The following TTLL11 variants were observed in gnomAD, a reference collection of about 807,000 sequenced individuals.
TTLL11 encodes the protein tubulin tyrosine ligase like 11, also known as tubulin polyglutamylase TTLL11.
TTLL11 carries 42 observed loss-of-function variants against 51.7 expected under a neutral mutation model. The ratio of observed to expected loss-of-function variants is 0.81; its 90% confidence interval spans 0.64 to 1.05. The LOEUF (loss-of-function observed/expected upper bound fraction) is 1.05. Among genes scored for constraint, TTLL11 ranks in the 50% least tolerant of loss-of-function variants. TTLL11 has a pLI of 0.00. For synonymous variants in TTLL11, 381 were observed against 383.5 expected, an observed-to-expected ratio of 0.99 and a Z score of 0.08; for missense variants, 799 against 940.4, an observed-to-expected ratio of 0.85 and a Z score of 1.97.
chr9:122,053,871 T>C (rs925988503), intron 1 of TTLL11, among the ~76,000 whole-genome samples: 4 of 152,106 alleles, frequency 2.6e-5, no homozygotes, highest in African/African-American at 7.2e-5. Context: ...CGGAGATAAC[T>C]AGCGCTCTGA....
Position 121,902,587 on chromosome 9 carries a change from G to C in TTLL11, c.1482-31839C>G, listed in dbSNP as rs181787245. Among the ~76,000 whole-genome samples the C allele has an allele frequency of 3.0e-3, 458 of 152,070 alleles. 3 individuals carry two copies. Among genetic ancestry groups the C allele is most frequent in the African/African-American group, 0.011 (440 of 41,476 alleles). ...ATCTGTTTAGCCTGGAGTTTCTACC[G>C]AGTTGTTTTTTTTTTTAAAGGTCCT... On this transcript the variant is annotated intron_variant, in intron 6 of 8. Coordinates refer to ENST00000321582, the MANE Select transcript of TTLL11 (RefSeq NM_001139442.2).
chr9:122,082,258 C>G (rs1846018679), intron 1 of TTLL11, among the ~76,000 whole-genome samples: 1 of 152,210 alleles, frequency 6.6e-6, no homozygotes, highest in African/African-American at 2.4e-5. Flanking sequence ...AATCCCAACA[C>G]TTTGGGAGGC....
At chr9:121,960,751 A>G (rs1387040754) in intron 6 of TTLL11, among the ~76,000 whole-genome samples, 1 of 152,062 alleles carries the variant, frequency 6.6e-6, no homozygotes, top group Non-Finnish European at 1.5e-5. Flanking sequence ...GAAGAAAATG[A>G]TCCTCTCTAA....
intron 1 of TTLL11, among the ~76,000 whole-genome samples, chr9:122,085,869 C>G (rs1174855001): frequency 1.3e-5 from 2 of 152,140 alleles, no homozygotes; most frequent in African/African-American, 4.8e-5. Context: ...GTCACACAAG[C>G]AATCAGAGGC....
chr9:122,063,258 G>T (rs1845485875), intron 1 of TTLL11, among the ~76,000 whole-genome samples: 1 of 152,150 alleles, frequency 6.6e-6, no homozygotes, highest in African/African-American at 2.4e-5. Flanking sequence ...TACCTTGTGA[G>T]ATTTAAATAA....
At chr9:122,061,461 A>G (rs1025474784) in intron 1 of TTLL11, among the ~76,000 whole-genome samples, 5 of 152,182 alleles carry the variant, frequency 3.3e-5, no homozygotes, top group African/African-American at 9.7e-5. Flanking sequence ...CATTGAGCAC[A>G]TGGACAAGAA....
chr9:122,002,930 G>C (rs1843517898), intron 3 of TTLL11, among the ~76,000 whole-genome samples: 1 of 115,322 alleles, frequency 8.7e-6, no homozygotes, highest in East Asian at 2.2e-4. Flanking sequence ...TGGCAACAGA[G>C]TGAGACTCTG....
intron 6 of TTLL11, among the ~76,000 whole-genome samples, chr9:121,953,808 C>A (rs1311873665): frequency 6.6e-6 from 1 of 152,044 alleles, no homozygotes; most frequent in Non-Finnish European, 1.5e-5. Context: ...AGCTCACAAT[C>A]GAAGCATGCT....
intron 6 of TTLL11, among the ~76,000 whole-genome samples, chr9:121,936,837 A>G (rs1841246073): frequency 6.6e-6 from 1 of 152,266 alleles, no homozygotes; most frequent in Admixed American, 6.5e-5. Context: ...ACATTTGACT[A>G]CATCACTATG....
At chr9:121,914,013 CCA>C (rs1388709239) in intron 6 of TTLL11, among the ~76,000 whole-genome samples, 4 of 152,154 alleles carry the variant, frequency 2.6e-5, no homozygotes, top group African/African-American at 9.7e-5. Flanking sequence ...ATTACCATCC[CCA>C]CTTTCCACTC....
Position 121,959,312 on chromosome 9 carries a change from A to T in TTLL11, c.1481+14697T>A, listed in dbSNP as rs531771975. 2.5e-4 allele frequency among the ~76,000 whole-genome samples: 38 copies of T among 152,016 alleles called. 2 individuals are homozygous for T. The South Asian group carries it at 8.0e-3, about 32-fold the overall frequency. On this transcript the variant is annotated intron_variant, in intron 6 of 8. Coordinates refer to ENST00000321582, the MANE Select transcript of TTLL11 (RefSeq NM_001139442.2). ...CATGGGGACCAAACCGTCCCTGTCTACTCTGTGGAGCAATTATTGTTGTAA... is the reference window on the plus strand; with the variant it reads ...CATGGGGACCAAACCGTCCCTGTCTTCTCTGTGGAGCAATTATTGTTGTAA...
chr9:122,057,656 A>G (rs976631804), intron 1 of TTLL11, among the ~76,000 whole-genome samples: 2 of 152,166 alleles, frequency 1.3e-5, no homozygotes, highest in Admixed American at 6.5e-5. Flanking sequence ...AAGTAAAAAC[A>G]TCTTAAAATT....
chr9:122,081,163 T>C (rs528336063), intron 1 of TTLL11, among the ~76,000 whole-genome samples: 15 of 152,228 alleles, frequency 9.9e-5, no homozygotes, highest in Non-Finnish European at 1.3e-4. Flanking sequence ...GAAGGACTTA[T>C]GTAAACACTA....
chr9:121,842,570 T>C (rs1837391319), intron 8 of TTLL11, among the ~76,000 whole-genome samples: 1 of 152,220 alleles, frequency 6.6e-6, no homozygotes, highest in African/African-American at 2.4e-5. Context: ...GGCCCCCTTC[T>C]ACTTTTGAAC....
At chr9:121,897,375 G>A (rs952695405) in intron 6 of TTLL11, among the ~76,000 whole-genome samples, 1 of 152,116 alleles carries the variant, frequency 6.6e-6, no homozygotes, top group African/African-American at 2.4e-5. Flanking sequence ...GCCGCTCTTC[G>A]TTGTTGCCTC....
chr9:121,846,633 G>A lies in TTLL11; in HGVS notation c.1840+13704C>T, dbSNP rs192953931. Among the ~76,000 whole-genome samples the A allele has an allele frequency of 3.4e-4, 52 of 152,140 alleles. 1 individual carries two copies. Among genetic ancestry groups the A allele is most frequent in the African/African-American group, 8.9e-4 (37 of 41,508 alleles). On this transcript the variant is annotated intron_variant, in intron 8 of 8. Transcript: ENST00000321582. ...AACTAAAAATCAATAACAGAAAGACGGTTGAGAAGTCCCCAGATATTTGGA... is the reference window on the plus strand; with the variant it reads ...AACTAAAAATCAATAACAGAAAGACAGTTGAGAAGTCCCCAGATATTTGGA...
intron 1 of TTLL11, among the ~76,000 whole-genome samples, chr9:122,076,893 G>C (rs191069698): frequency 2.0e-5 from 3 of 152,252 alleles, no homozygotes; most frequent in African/African-American, 7.2e-5. Context: ...CTTACTGACA[G>C]CGAAGACATC....
chr9:121,989,444 C>T lies in TTLL11; in HGVS notation c.1020G>A (p.Met340Ile). The change falls in exon 4 of 9, where the codon ATG becomes ATA. Residue 340 changes from methionine (M) to isoleucine (I), a missense_variant. Transcript: ENST00000321582. The surrounding 1 kb of genome is among the most constrained non-coding windows in gnomAD (Gnocchi z 4.2). ...TGTTCAGTGAATAGTTGGTTAAGTG[C>T]ATAAAGATGCGGTGCAGGTTTTTGG... ...PTPKNLHRIF[M>I]HLTNYSLNIH... 6.2e-7 allele frequency: 1 copy of T among 1,614,118 alleles called. No homozygotes were observed. Among genetic ancestry groups the T allele is most frequent in the East Asian group, 2.2e-5 (1 of 44,878 alleles).
At chr9:121,894,364 T>C (rs529245268) in intron 6 of TTLL11, among the ~76,000 whole-genome samples, 1 of 152,242 alleles carries the variant, frequency 6.6e-6, no homozygotes, top group African/African-American at 2.4e-5. Flanking sequence ...GAACCAGAAA[T>C]GCCATTTGAT....
Sources: allele counts gnomAD v4.1 joint callset (sites outside exome capture counted in the v4.1 genomes callset), GRCh38; gene constraint gnomAD v4.1.1; non-coding constraint Gnocchi (gnomAD v3.1); transcripts MANE v1.5; gene names NCBI Gene and HGNC (gene_info 2026-07-23, HGNC 2026-07-21).